Variants in MCC observed in about 807,000 individuals in gnomAD.
MCC encodes the protein MCC regulator of Wnt signaling pathway.
MCC carries 90 observed loss-of-function variants against 116.2 expected under a neutral mutation model. The observed-to-expected ratio is 0.77, with a 90% CI of 0.65 to 0.92. The LOEUF is 0.92. MCC is among the 40% of genes least tolerant of loss of function. MCC has a pLI of 0.00. For missense variants in MCC, 1,516 were observed against 1,312.2 expected (o/e 1.16, Z -2.40); for synonymous variants, 578 against 510.5 (o/e 1.13, Z -1.78).
chr5:113,239,309 A>T (rs149834961), intron 3 of MCC, among the ~76,000 whole-genome samples: 1 of 152,334 alleles, frequency 6.6e-6, no homozygotes, highest in Non-Finnish European at 1.5e-5. Context: ...GGAAACATCC[A>T]GTATACTGTG....
chr5:113,144,985 G>A (rs566549095), intron 4 of MCC, among the ~76,000 whole-genome samples: 1 of 152,158 alleles, frequency 6.6e-6, no homozygotes, highest in African/African-American at 2.4e-5. Context: ...ACCAGCCACA[G>A]ACACTCTTTC....
At chr5:113,314,519 T>C (rs1469749392) in intron 3 of MCC, among the ~76,000 whole-genome samples, 3 of 152,244 alleles carry the variant, frequency 2.0e-5, no homozygotes, top group Non-Finnish European at 4.4e-5. Flanking sequence ...TGAGTGCTCA[T>C]GGTGACATGG....
intron 17 of MCC, among the ~76,000 whole-genome samples, chr5:113,037,860 T>C (rs117584309): frequency 6.6e-6 from 1 of 152,184 alleles, no homozygotes; most frequent in Non-Finnish European, 1.5e-5. Context: ...GGGGCTGGAC[T>C]ACAGATCAAG....
intron 6 of MCC, among the ~76,000 whole-genome samples, chr5:113,118,402 C>T (rs182898140): frequency 6.6e-6 from 1 of 152,248 alleles, no homozygotes; most frequent in Non-Finnish European, 1.5e-5. Context: ...GCACCTTTCT[C>T]CTTTATTTGA....
intron 4 of MCC, among the ~76,000 whole-genome samples, chr5:113,145,320 A>G (rs1759431328): frequency 6.6e-6 from 1 of 152,088 alleles, no homozygotes; most frequent in African/African-American, 2.4e-5. Flanking sequence ...TCTGACCTGG[A>G]TCTCATCAAT....
intron 3 of MCC, among the ~76,000 whole-genome samples, chr5:113,185,758 A>T (rs146385508): frequency 9.6e-4 from 146 of 152,332 alleles, no homozygotes; most frequent in African/African-American, 3.4e-3. Flanking sequence ...GCATAGTAGC[A>T]TAACATATTA....
intron 3 of MCC, among the ~76,000 whole-genome samples, chr5:113,293,117 C>T (rs550061500): frequency 2.2e-4 from 34 of 152,282 alleles, no homozygotes; most frequent in Middle Eastern, 6.8e-3. Flanking sequence ...AGCACAGCAG[C>T]AGCATGACAC....
chr5:113,148,725 C>T (rs1011975597), intron 4 of MCC, among the ~76,000 whole-genome samples: 2 of 152,134 alleles, frequency 1.3e-5, no homozygotes, highest in South Asian at 2.1e-4. Context: ...ATAAGTCTGA[C>T]TTTTTTTTCA....
At chr5:113,252,911 TTTGCTTC>T (rs1764856096) in intron 3 of MCC, among the ~76,000 whole-genome samples, 1 of 152,232 alleles carries the variant, frequency 6.6e-6, no homozygotes, top group South Asian at 2.1e-4. Context: ...GCTAAGAGCA[TTTGCTTC>T]TTGCAAGGGA....
chr5:113,374,217 G>GT (rs533640371), intron 2 of MCC, among the ~76,000 whole-genome samples: 18,725 of 127,508 alleles, frequency 0.15, 2,779 homozygotes, highest in African/African-American at 0.39. Flanking sequence ...TTTTTTTTTT[G>GT]TTTTTTTTTT....
intron 4 of MCC, among the ~76,000 whole-genome samples, chr5:113,150,758 A>G (rs1264340721): frequency 6.6e-6 from 1 of 152,208 alleles, no homozygotes; most frequent in East Asian, 1.9e-4. Context: ...GAAGAAAATT[A>G]ATATTAACAA....
Position 113,179,827 on chromosome 5 carries a change from C to T in MCC, c.628-28405G>A, listed in dbSNP as rs182572143. Among the ~76,000 whole-genome samples the T allele has an allele frequency of 2.6e-5, 4 of 152,274 alleles. No homozygotes were observed. In the East Asian group the frequency reaches 7.7e-4, roughly 29 times the overall value. On this transcript the variant is annotated intron_variant, in intron 3 of 18. Transcript: ENST00000408903. The stretch of plus-strand genomic sequence containing the variant: ...CCTGCCGTGTTTACAAGAGCATGGG[C>T]CTTAGATACAGGCACACACCTGTGT...
chr5:113,341,753 C>A (rs1313840299), intron 2 of MCC, among the ~76,000 whole-genome samples: 1 of 152,138 alleles, frequency 6.6e-6, no homozygotes, highest in Non-Finnish European at 1.5e-5. Flanking sequence ...TGCCTGGATT[C>A]CAGAATCATC....
chr5:113,393,057 A>G (rs1022146629), intron 1 of MCC, among the ~76,000 whole-genome samples: 4 of 152,186 alleles, frequency 2.6e-5, no homozygotes, highest in African/African-American at 9.6e-5. Flanking sequence ...ACAATGCTAT[A>G]AACTGTGTAT....
chr5:113,333,311 G>T (rs1767747359), intron 3 of MCC, among the ~76,000 whole-genome samples: 1 of 151,568 alleles, frequency 6.6e-6, no homozygotes, highest in South Asian at 2.1e-4. Flanking sequence ...TAATAATTTT[G>T]ATCATATAGC....
chr5:113,475,883 G>C (rs1358518530), intron 1 of MCC, among the ~76,000 whole-genome samples: 2 of 152,238 alleles, frequency 1.3e-5, no homozygotes, highest in East Asian at 3.9e-4. Flanking sequence ...CCCTCAAGAA[G>C]CTATGTTACC....
At chr5:113,242,990 G>A (rs1459697728) in intron 3 of MCC, among the ~76,000 whole-genome samples, 1 of 152,108 alleles carries the variant, frequency 6.6e-6, no homozygotes, top group East Asian at 1.9e-4. Context: ...TATCATGGAG[G>A]GAAAGTCTGT....
intron 1 of MCC, chr5:113,448,433 T>A (rs937242167): frequency 3.3e-5 from 5 of 152,150 alleles, no homozygotes; most frequent in African/African-American, 1.2e-4. Context: ...TAAACTTAAG[T>A]AAAGCCAGAC....
chr5:113,468,748 G>C (rs1313533570), intron 1 of MCC, among the ~76,000 whole-genome samples: 1 of 152,188 alleles, frequency 6.6e-6, no homozygotes, highest in Non-Finnish European at 1.5e-5. Flanking sequence ...AATAGTTTCA[G>C]AAGGAATGGT....
Sources: allele counts gnomAD v4.1 joint callset (sites outside exome capture counted in the v4.1 genomes callset), GRCh38; gene constraint gnomAD v4.1.1; transcripts MANE v1.5; gene names NCBI Gene and HGNC (gene_info 2026-07-23, HGNC 2026-07-21).